The following PROS1 variants were observed in gnomAD, a reference collection of about 807,000 sequenced individuals.
The protein encoded by PROS1 is vitamin K-dependent protein S.
PROS1 carries 29 observed loss-of-function variants against 75.9 expected under a neutral mutation model. The ratio of observed to expected loss-of-function variants is 0.38; its 90% CI spans 0.28 to 0.52. PROS1 has a LOEUF of 0.52. Among genes scored for constraint, PROS1 ranks in the 20% least tolerant of loss-of-function variants. The pLI is 0.83. For missense variants in PROS1, 680 were observed against 810.3 expected (o/e 0.84, Z 1.95); for synonymous variants, 245 against 280.6 (o/e 0.87, Z 1.27).
At chr3:93,955,290 G>A (rs1026480403) in intron 1 of PROS1, among the ~76,000 whole-genome samples, 29 of 152,152 alleles carry the variant, frequency 1.9e-4, no homozygotes, top group African/African-American at 4.8e-4. Context: ...TGTTTATTGC[G>A]GCACTATTCA....
intron 1 of PROS1, among the ~76,000 whole-genome samples, chr3:93,949,224 G>T (rs1709454224): frequency 6.6e-6 from 1 of 152,106 alleles, no homozygotes; most frequent in African/African-American, 2.4e-5. Flanking sequence ...CACCACAATA[G>T]GAACCTTAAT....
intron 1 of PROS1, chr3:93,968,056 A>G (rs994898625): frequency 6.6e-6 from 1 of 152,214 alleles, no homozygotes; most frequent in Non-Finnish European, 1.5e-5. Context: ...ACTAAAGCCA[A>G]AATACACAGA....
chr3:93,916,496 G>A (rs1436861866), intron 3 of PROS1, among the ~76,000 whole-genome samples: 2 of 152,158 alleles, frequency 1.3e-5, no homozygotes, highest in African/African-American at 4.8e-5. Context: ...ATGGAAAAGT[G>A]TGTTCAGAAT....
At chr3:93,927,667 A>C (rs1187109523) in intron 1 of PROS1, among the ~76,000 whole-genome samples, 1 of 151,686 alleles carries the variant, frequency 6.6e-6, no homozygotes, top group Non-Finnish European at 1.5e-5. Context: ...TAAACACACC[A>C]GATAATATTC....
intron 1 of PROS1, among the ~76,000 whole-genome samples, chr3:93,945,429 G>A (rs542694487): frequency 8.7e-4 from 132 of 152,258 alleles, no homozygotes; most frequent in Middle Eastern, 3.4e-3. Context: ...CTGGCAAACC[G>A]AATCCAGCAG....
rs999209716 is a variant in PROS1, at chr3:93,917,273, TTTTG to T, written c.260-6572_260-6569del. ...CTAATGGGTTATGTGGTTTTTGTTT[TTTTG>T]TTTGTTTGTTTTGTTTTGTTTTTTG... On this transcript the variant is annotated intron_variant, in intron 3 of 14. Transcript: ENST00000394236. Among the ~76,000 whole-genome samples the T allele has an allele frequency of 2.3e-4, 28 of 123,502 alleles. No homozygotes were observed. In the South Asian group the frequency reaches 2.4e-3, roughly 11 times the overall value. The allele number at this position is 123,502 out of a possible 152,430, so 81.0% of individuals were successfully genotyped here. A position where few individuals can be genotyped will look rare whatever the true frequency, so the allele number is the denominator to read the frequency against.
At chr3:93,940,852 T>C (rs1178471371) in intron 1 of PROS1, among the ~76,000 whole-genome samples, 18 of 152,168 alleles carry the variant, frequency 1.2e-4, no homozygotes. Context: ...AATTCCCCCA[T>C]TTTACCTATT....
chr3:93,913,271 T>A (rs1328775539), intron 3 of PROS1, among the ~76,000 whole-genome samples: 3 of 152,224 alleles, frequency 2.0e-5, no homozygotes, highest in African/African-American at 7.2e-5. Context: ...AATCTCATTT[T>A]GAATTGTAAT....
chr3:93,885,784 T>A (rs889848847), intron 11 of PROS1, among the ~76,000 whole-genome samples: 1 of 152,234 alleles, frequency 6.6e-6, no homozygotes, highest in African/African-American at 2.4e-5. Context: ...TAATATCATA[T>A]AATGGAAATC....
chr3:93,945,775 TC>T (rs1170189988), intron 1 of PROS1, among the ~76,000 whole-genome samples: 1 of 152,116 alleles, frequency 6.6e-6, no homozygotes, highest in Non-Finnish European at 1.5e-5. Context: ...CTCTCACCAC[TC>T]CTATTCAAAA....
At chr3:93,887,051 T>G (rs1445293485) in intron 10 of PROS1, among the ~76,000 whole-genome samples, 3 of 151,454 alleles carry the variant, frequency 2.0e-5, no homozygotes, top group African/African-American at 7.3e-5. Flanking sequence ...CCCGAGTAGC[T>G]GGGACTACAG....
intron 1 of PROS1, among the ~76,000 whole-genome samples, chr3:93,947,104 A>C (rs1709414612): frequency 2.0e-5 from 3 of 152,218 alleles, no homozygotes; most frequent in Admixed American, 6.5e-5. Flanking sequence ...AATGCAAATC[A>C]AAACCACGAT....
At chr3:93,910,012 AAC>A (rs1708736697) in intron 4 of PROS1, among the ~76,000 whole-genome samples, 2 of 152,282 alleles carry the variant, frequency 1.3e-5, no homozygotes, top group South Asian at 4.1e-4. Context: ...ATTAGAGAAA[AAC>A]ACAGTTAAAA....
intron 1 of PROS1, among the ~76,000 whole-genome samples, chr3:93,951,432 G>T (rs1406677045): frequency 6.6e-6 from 1 of 152,144 alleles, no homozygotes; most frequent in African/African-American, 2.4e-5. Flanking sequence ...GAGAGTAGGG[G>T]CCAATATTCA....
intron 1 of PROS1, among the ~76,000 whole-genome samples, chr3:93,931,077 A>G (rs1270056899): frequency 4.6e-5 from 7 of 152,270 alleles, no homozygotes; most frequent in Non-Finnish European, 1.0e-4. Context: ...GGTATGATAC[A>G]TAACAATGTT....
intron 1 of PROS1, among the ~76,000 whole-genome samples, chr3:93,937,673 G>C (rs1305407006): frequency 6.6e-6 from 1 of 152,096 alleles, no homozygotes; most frequent in Admixed American, 6.5e-5. Flanking sequence ...AGCCTGAGTT[G>C]ATTTTTAACC....
At chr3:93,887,686 T>C (rs1370705885) in intron 10 of PROS1, among the ~76,000 whole-genome samples, 1 of 152,220 alleles carries the variant, frequency 6.6e-6, no homozygotes, top group East Asian at 1.9e-4. Context: ...CTTTCTTAAC[T>C]TAGCCTACAA....
At chr3:93,894,298 A>T (rs1708471920) in intron 9 of PROS1, among the ~76,000 whole-genome samples, 1 of 152,198 alleles carries the variant, frequency 6.6e-6, no homozygotes, top group African/African-American at 2.4e-5. Context: ...AGAAATATTT[A>T]AAAAGAGGTA....
intron 1 of PROS1, chr3:93,928,696 A>G: frequency 8.3e-7 from 1 of 1,206,712 alleles, no homozygotes; most frequent in Non-Finnish European, 1.1e-6. Context: ...GGAGGAAAAT[A>G]CTTACAGCAT....
Sources: allele counts gnomAD v4.1 joint callset (sites outside exome capture counted in the v4.1 genomes callset), GRCh38; gene constraint gnomAD v4.1.1; transcripts MANE v1.5; gene names NCBI Gene and HGNC (gene_info 2026-07-23, HGNC 2026-07-21).